Variants in LEF1 observed in about 807,000 individuals in gnomAD.
LEF1 encodes the protein lymphoid enhancer binding factor 1.
In LEF1, 14 loss-of-function variants were observed where a neutral mutation model predicts 51.2. That is an observed-to-expected ratio of 0.27 (90% CI 0.18 to 0.43). LEF1 has a LOEUF of 0.43. Ranked by LOEUF, LEF1 falls within the 20% of genes least tolerant of loss-of-function variation. LEF1 has a pLI of 1.00. For missense variants in LEF1, 386 were observed against 512.0 expected, an observed-to-expected ratio of 0.75 and a Z score of 2.37; for synonymous variants, 185 against 183.2, an observed-to-expected ratio of 1.01 and a Z score of -0.08.
chr4:108,163,552 T>A lies in LEF1; in HGVS notation c.414+16A>T. 6.2e-7 allele frequency: 1 copy of A among 1,606,806 alleles called. No individual in the cohort carries two copies. The highest frequency in any genetic ancestry group is 8.5e-7 in the Non-Finnish European group (1 of 1,177,336). On this transcript the variant is annotated intron_variant, in intron 3 of 11. Coordinates refer to ENST00000265165, the MANE Select transcript of LEF1 (RefSeq NM_016269.5). ...GCACTTCTGAACATAATTTGCAACATCAGCATGTTACTTACTGTTCTCGGG... is the reference window on the plus strand; with the variant it reads ...GCACTTCTGAACATAATTTGCAACAACAGCATGTTACTTACTGTTCTCGGG...
chr4:108,099,620 A>C (rs1279213798), intron 3 of LEF1, among the ~76,000 whole-genome samples: 1 of 123,176 alleles, frequency 8.1e-6, no homozygotes, highest in Non-Finnish European at 1.7e-5. Context: ...ATATATATAA[A>C]TAATACTTGA....
At chr4:108,131,945 G>C (rs1295556789) in intron 3 of LEF1, among the ~76,000 whole-genome samples, 1 of 152,172 alleles carries the variant, frequency 6.6e-6, no homozygotes, top group Non-Finnish European at 1.5e-5. Context: ...CACTGAAGCA[G>C]TATTAGGATT....
intron 3 of LEF1, among the ~76,000 whole-genome samples, chr4:108,140,414 T>C (rs1444893026): frequency 6.6e-6 from 1 of 152,212 alleles, no homozygotes; most frequent in Non-Finnish European, 1.5e-5. Context: ...TACTTTAGCA[T>C]AACTTTATTT....
chr4:108,118,426 T>C (rs1365820150), intron 3 of LEF1, among the ~76,000 whole-genome samples: 1 of 152,206 alleles, frequency 6.6e-6, no homozygotes, highest in Non-Finnish European at 1.5e-5. Context: ...TTAGGCTTAA[T>C]GCGAACTGTG....
intron 3 of LEF1, among the ~76,000 whole-genome samples, chr4:108,156,957 G>T (rs1356028197): frequency 1.3e-5 from 2 of 151,862 alleles, no homozygotes; most frequent in African/African-American, 2.4e-5. Context: ...TGCAATCTAT[G>T]TATGTAACAA....
intron 9 of LEF1, among the ~76,000 whole-genome samples, chr4:108,067,857 G>A (rs747300763): frequency 1.2e-4 from 18 of 152,036 alleles, no homozygotes; most frequent in Non-Finnish European, 2.6e-4. Flanking sequence ...CCCTCTGGGT[G>A]AACACTGATC....
At chr4:108,143,077 C>T (rs1359282392) in intron 3 of LEF1, among the ~76,000 whole-genome samples, 3 of 152,246 alleles carry the variant, frequency 2.0e-5, no homozygotes, top group Admixed American at 6.5e-5. Context: ...AAGTAATTGG[C>T]GAACAAAAGC....
At chr4:108,059,490 T>C (rs1737530158) in intron 11 of LEF1, among the ~76,000 whole-genome samples, 1 of 152,108 alleles carries the variant, frequency 6.6e-6, no homozygotes, top group Admixed American at 6.5e-5. Context: ...TTAATGCTTT[T>C]TATTTTTTAT....
chr4:108,134,609 A>G (rs1044217803), intron 3 of LEF1, among the ~76,000 whole-genome samples: 2 of 152,244 alleles, frequency 1.3e-5, no homozygotes, highest in East Asian at 3.8e-4. Context: ...ACTCTTATCA[A>G]TGTGATTCCA....
At chr4:108,158,358 A>G (rs546972069) in intron 3 of LEF1, among the ~76,000 whole-genome samples, 1 of 152,286 alleles carries the variant, frequency 6.6e-6, no homozygotes, top group South Asian at 2.1e-4. Flanking sequence ...TCAGCTCAGC[A>G]CAAACACTTA....
At chr4:108,102,478 T>C (rs1308894225) in intron 3 of LEF1, among the ~76,000 whole-genome samples, 1 of 152,082 alleles carries the variant, frequency 6.6e-6, no homozygotes, top group Non-Finnish European at 1.5e-5. Flanking sequence ...TACCACTAAA[T>C]TAACCTTCAC....
intron 4 of LEF1, among the ~76,000 whole-genome samples, chr4:108,085,028 T>C (rs1400783893): frequency 6.6e-6 from 1 of 152,352 alleles, no homozygotes; most frequent in South Asian, 2.1e-4. Flanking sequence ...TTCAATGTTT[T>C]ATTCTATTAA....
intron 9 of LEF1, among the ~76,000 whole-genome samples, chr4:108,068,786 T>C (rs1426256618): frequency 3.3e-5 from 5 of 152,228 alleles, no homozygotes; most frequent in Non-Finnish European, 7.3e-5. Context: ...TGTCATCATC[T>C]CTTGTGAGAA....
At chr4:108,095,189 A>G (rs891250396) in intron 3 of LEF1, among the ~76,000 whole-genome samples, 8 of 152,196 alleles carry the variant, frequency 5.3e-5, no homozygotes, top group Non-Finnish European at 1.2e-4. Context: ...AGGAAAAGGG[A>G]TGGTCTAGAG....
intron 3 of LEF1, among the ~76,000 whole-genome samples, chr4:108,158,687 T>C (rs1744883922): frequency 6.6e-6 from 1 of 151,092 alleles, no homozygotes; most frequent in South Asian, 2.1e-4. Context: ...AAAAATTCAA[T>C]CACATAAACC....
At chr4:108,099,001 C>G (rs564817069) in intron 3 of LEF1, among the ~76,000 whole-genome samples, 2 of 152,070 alleles carry the variant, frequency 1.3e-5, no homozygotes, top group Non-Finnish European at 2.9e-5. Context: ...GGCATTAGGT[C>G]GAGCCCTTGA....
At chr4:108,144,838 G>T in intron 3 of LEF1, among the ~76,000 whole-genome samples, 1 of 101,856 alleles carries the variant, frequency 9.8e-6, no homozygotes, top group East Asian at 3.3e-4. Flanking sequence ...CAAGTAATCT[G>T]TACAGCAAAG....
intron 3 of LEF1, among the ~76,000 whole-genome samples, chr4:108,107,722 T>C (rs1410231536): frequency 6.6e-6 from 1 of 152,148 alleles, no homozygotes; most frequent in Non-Finnish European, 1.5e-5. Context: ...GACAGTAAAA[T>C]AGGATGTTAT....
At chr4:108,120,618 A>T (rs1742113142) in intron 3 of LEF1, among the ~76,000 whole-genome samples, 1 of 152,210 alleles carries the variant, frequency 6.6e-6, no homozygotes, top group Admixed American at 6.5e-5. Flanking sequence ...GAAATCCATT[A>T]ATCTATCAAA....
Sources: gnomAD v4.1 joint callset for allele counts (sites outside exome capture counted in the v4.1 genomes callset) on GRCh38, gnomAD v4.1.1 for gene constraint, MANE v1.5 for transcripts, NCBI Gene and HGNC (gene_info 2026-07-23, HGNC 2026-07-21) for gene names.